HYCC2: variants seen among roughly 807,000 people sequenced by gnomAD.
The protein encoded by HYCC2 is hyccin 2.
chr2:201,006,331 G>T, the HYCC2 span, among the ~76,000 whole-genome samples: 1 of 148,126 alleles, frequency 6.8e-6, no homozygotes, highest in South Asian at 2.1e-4. Flanking sequence ...AGCAGAGATA[G>T]GGTTTTGCCA....
At chr2:201,000,443 AT>A in the HYCC2 span, among the ~76,000 whole-genome samples, 2 of 152,184 alleles carry the variant, frequency 1.3e-5, no homozygotes, top group Non-Finnish European at 2.9e-5. Flanking sequence ...GGGGAAAAAA[AT>A]GTATGTGTAT....
chr2:201,053,509 C>T, the HYCC2 span, among the ~76,000 whole-genome samples: 2 of 152,198 alleles, frequency 1.3e-5, no homozygotes, highest in African/African-American at 4.8e-5. Flanking sequence ...GCCCTTCTTT[C>T]TACTTTTAAA....
the HYCC2 span, among the ~76,000 whole-genome samples, chr2:201,070,423 C>A: frequency 6.6e-6 from 1 of 152,044 alleles, no homozygotes; most frequent in Admixed American, 6.6e-5. Flanking sequence ...GAGGCCGAGG[C>A]GGGCGGATCA....
the HYCC2 span, among the ~76,000 whole-genome samples, chr2:201,033,982 A>C: frequency 6.6e-6 from 1 of 152,118 alleles, no homozygotes; most frequent in African/African-American, 2.4e-5. Context: ...AGTTTAAAAA[A>C]AAAAAAAAAG....
chr2:200,997,236 CAGAG>C, the HYCC2 span: 1 of 422,424 alleles, frequency 2.4e-6, no homozygotes, highest in South Asian at 3.0e-5. Flanking sequence ...GCCTAGGCGA[CAGAG>C]AGAAATCCTA....
chr2:201,017,222 G>GTT, the HYCC2 span: 2 of 1,337,910 alleles, frequency 1.5e-6, no homozygotes, highest in Admixed American at 2.6e-5. Flanking sequence ...GGTTGTAACT[G>GTT]TTGTTTTTTT....
the HYCC2 span, among the ~76,000 whole-genome samples, chr2:201,037,197 G>A: frequency 6.6e-6 from 1 of 152,096 alleles, no homozygotes; most frequent in African/African-American, 2.4e-5. Context: ...GACATGTGAA[G>A]GACTTCTTCA....
At chr2:200,998,635 C>T in the HYCC2 span, among the ~76,000 whole-genome samples, 1 of 152,162 alleles carries the variant, frequency 6.6e-6, no homozygotes, top group Non-Finnish European at 1.5e-5. Flanking sequence ...TAAATGCTTT[C>T]CTAACATTTA....
At chr2:201,034,869 T>C in the HYCC2 span, among the ~76,000 whole-genome samples, 1 of 152,222 alleles carries the variant, frequency 6.6e-6, no homozygotes, top group Non-Finnish European at 1.5e-5. Flanking sequence ...GAAGCTTAGT[T>C]TGGCTGGATA....
the HYCC2 span, among the ~76,000 whole-genome samples, chr2:201,010,816 A>AT: frequency 6.6e-6 from 1 of 151,886 alleles, no homozygotes; most frequent in African/African-American, 2.4e-5. Context: ...AAATTAAAGA[A>AT]TTTTTTAAAA....
chr2:201,002,919 C>T, the HYCC2 span, among the ~76,000 whole-genome samples: 7 of 152,252 alleles, frequency 4.6e-5, no homozygotes, highest in Non-Finnish European at 1.0e-4. Context: ...AATGTGTTCC[C>T]TGTAATATTG....
the HYCC2 span, among the ~76,000 whole-genome samples, chr2:201,060,060 G>T: frequency 4.5e-4 from 66 of 145,272 alleles, 1 homozygote; most frequent in Admixed American, 1.8e-3. Flanking sequence ...AAAGCGGGGG[G>T]GGGGGGGTTC....
At chr2:201,004,646 T>C in the HYCC2 span, among the ~76,000 whole-genome samples, 1 of 152,134 alleles carries the variant, frequency 6.6e-6, no homozygotes, top group Admixed American at 6.5e-5. Context: ...CAGAGTACTG[T>C]AAAAGGACCA....
chr2:201,033,613 C>T, the HYCC2 span, among the ~76,000 whole-genome samples: 1 of 151,892 alleles, frequency 6.6e-6, no homozygotes, highest in Non-Finnish European at 1.5e-5. Flanking sequence ...ACCATGTTAG[C>T]CGGTATGGTC....
chr2:201,009,127 C>T, the HYCC2 span: 2 of 1,231,740 alleles, frequency 1.6e-6, no homozygotes, highest in Non-Finnish European at 1.2e-6. Context: ...ATGTCTCTAC[C>T]ATGAAGTAAA....
the HYCC2 span, among the ~76,000 whole-genome samples, chr2:201,057,325 A>G: frequency 6.6e-6 from 1 of 152,246 alleles, no homozygotes; most frequent in African/African-American, 2.4e-5. Context: ...ACCAAAGAGC[A>G]GAAATCATTT....
the HYCC2 span, among the ~76,000 whole-genome samples, chr2:201,036,572 G>A: frequency 6.6e-6 from 1 of 152,320 alleles, no homozygotes; most frequent in Admixed American, 6.5e-5. Context: ...TCATCCCTGG[G>A]ATGCAAGGCT....
At chr2:201,064,235 A>C in the HYCC2 span, among the ~76,000 whole-genome samples, 1 of 152,188 alleles carries the variant, frequency 6.6e-6, no homozygotes, top group Non-Finnish European at 1.5e-5. Flanking sequence ...TTTGTGACTA[A>C]TTGTATAACA....
At chr2:201,015,536 T>C in the HYCC2 span, among the ~76,000 whole-genome samples, 1 of 152,188 alleles carries the variant, frequency 6.6e-6, no homozygotes, top group Admixed American at 6.6e-5. Flanking sequence ...CAATTATGTA[T>C]ATAGCCTTTA....
Sources: allele counts gnomAD v4.1 joint callset (sites outside exome capture counted in the v4.1 genomes callset), GRCh38; gene constraint gnomAD v4.1.1; transcripts MANE v1.5; gene names NCBI Gene and HGNC (gene_info 2026-07-23, HGNC 2026-07-21).